Variants in KIF26B observed in about 807,000 individuals in gnomAD.
The protein encoded by KIF26B is kinesin family member 26B.
In KIF26B, 63 loss-of-function variants were observed where a neutral mutation model predicts 151.2. The ratio of observed to expected loss-of-function variants is 0.42; its 90% CI spans 0.34 to 0.51. KIF26B has a LOEUF of 0.51. Ranked by LOEUF, KIF26B falls within the 20% of genes least tolerant of loss-of-function variation. The pLI, the probability that KIF26B is intolerant of heterozygous loss-of-function variation, is 0.07. For synonymous variants in KIF26B, 1,357 were observed against 1,262.1 expected, an observed-to-expected ratio of 1.08 and a Z score of -1.59; for missense variants, 2,813 against 2,913.6, an observed-to-expected ratio of 0.97 and a Z score of 0.79.
At chr1:245,374,115 A>ATATATATATATATATATATG (rs1673213024) in intron 3 of KIF26B, among the ~76,000 whole-genome samples, 1 of 71,862 alleles carries the variant, frequency 1.4e-5, no homozygotes, top group Non-Finnish European at 2.6e-5. Context: ...ATATATATAT[A>ATATATATATATATATATATG]TATATATATA....
chr1:245,313,026 G>T (rs1671693658), intron 2 of KIF26B, among the ~76,000 whole-genome samples: 1 of 152,074 alleles, frequency 6.6e-6, no homozygotes, highest in South Asian at 2.1e-4. Context: ...AGGCGTGGTG[G>T]TGCGCACCTG....
chr1:245,645,321 A>G (rs2043935613), intron 9 of KIF26B, among the ~76,000 whole-genome samples: 1 of 152,174 alleles, frequency 6.6e-6, no homozygotes, highest in African/African-American at 2.4e-5. Flanking sequence ...AAACTACATC[A>G]GGTGTGCTGA....
intron 2 of KIF26B, 28 bp downstream of exon 2, chr1:245,156,711 A>AGGCGCCGGGAGGGC: frequency 1.5e-6 from 2 of 1,370,964 alleles, no homozygotes; most frequent in Non-Finnish European, 1.9e-6. Flanking sequence ...CTGGCTGGGG[A>AGGCGCCGGGAGGGC]GGCGCCGGGA....
chr1:245,418,288 C>T (rs1045217272), intron 3 of KIF26B, among the ~76,000 whole-genome samples: 2 of 152,192 alleles, frequency 1.3e-5, no homozygotes, highest in Non-Finnish European at 2.9e-5. Flanking sequence ...GCCTTTGCAG[C>T]CACCTCTCCA....
rs1046852484 is a variant in KIF26B, at chr1:245,606,828, C to T, written c.1558-823C>T. ...CTGTAATCCCAGCACTTTGGGAGGC[C>T]GAGGCGGGTGGATCACCTGAGGTCA... On this transcript the variant is annotated intron_variant, in intron 6 of 14. Transcript: ENST00000407071. The surrounding 1 kb of genome is among the most constrained non-coding windows in gnomAD (Gnocchi z 4.6). 3.2e-4 allele frequency among the ~76,000 whole-genome samples: 49 copies of T among 152,030 alleles called. No homozygotes were observed. Among genetic ancestry groups the T allele is most frequent in the African/African-American group, 1.1e-3 (46 of 41,478 alleles).
intron 5 of KIF26B, among the ~76,000 whole-genome samples, chr1:245,551,437 C>G (rs935131266): frequency 1.3e-5 from 2 of 152,280 alleles, no homozygotes; most frequent in African/African-American, 4.8e-5. Context: ...GTAAGATACT[C>G]GCTGGGAGGT....
At chr1:245,181,514 TA>T (rs369608495) in intron 2 of KIF26B, among the ~76,000 whole-genome samples, 413 of 97,446 alleles carry the variant, frequency 4.2e-3, no homozygotes, top group Middle Eastern at 9.4e-3. Flanking sequence ...GTAGTAAAGT[TA>T]AAAAAAAAAA....
At chr1:245,409,634 T>A (rs1301419951) in intron 3 of KIF26B, among the ~76,000 whole-genome samples, 1 of 152,206 alleles carries the variant, frequency 6.6e-6, no homozygotes, top group Non-Finnish European at 1.5e-5. Flanking sequence ...ACTAATAAAA[T>A]TTATAGCCAA....
intron 5 of KIF26B, among the ~76,000 whole-genome samples, chr1:245,573,024 AC>A (rs1285468621): frequency 6.6e-6 from 1 of 152,166 alleles, no homozygotes; most frequent in Non-Finnish European, 1.5e-5. Flanking sequence ...GAAGAATAAA[AC>A]CTTTCTTGTC....
intron 2 of KIF26B, among the ~76,000 whole-genome samples, chr1:245,281,997 G>T (rs1046217995): frequency 3.3e-5 from 5 of 151,998 alleles, no homozygotes; most frequent in Non-Finnish European, 5.9e-5. Flanking sequence ...ATGCTGTTTT[G>T]GTTACTGTAG....
At chr1:245,653,709 G>A (rs1358256579) in intron 10 of KIF26B, among the ~76,000 whole-genome samples, 1 of 152,064 alleles carries the variant, frequency 6.6e-6, no homozygotes, top group Non-Finnish European at 1.5e-5. Flanking sequence ...ATAACAAGTG[G>A]GGTACAACAG....
chr1:245,355,195 G>A (rs4523556), intron 2 of KIF26B, among the ~76,000 whole-genome samples: 16,728 of 152,158 alleles, frequency 0.11, 2,829 homozygotes, highest in African/African-American at 0.36. Context: ...AAAGTGCTGG[G>A]ATTACAGGCG....
At position 245,166,921 on chromosome 1, in the gene KIF26B, A is replaced by C. The variant is rs796898111; in HGVS notation, c.465+10238A>C. ...AAACCGAGACATTCTGAACGTTGCT[A>C]TAGAGGTTAGCAAAGCAGAAGGCTC... On this transcript the variant is annotated intron_variant, in intron 2 of 14. Coordinates refer to ENST00000407071, the MANE Select transcript of KIF26B (RefSeq NM_018012.4). The surrounding 1 kb of genome is among the most constrained non-coding windows in gnomAD (Gnocchi z 4.5). Among the ~76,000 whole-genome samples, 10 of 152,360 alleles carry C rather than the reference A, an allele frequency of 6.6e-5. No individual in the cohort carries two copies. The highest frequency in any genetic ancestry group is 2.2e-4 in the African/African-American group (9 of 41,594).
At chr1:245,359,933 T>C (rs1672781610) in intron 2 of KIF26B, among the ~76,000 whole-genome samples, 1 of 150,562 alleles carries the variant, frequency 6.6e-6, no homozygotes, top group South Asian at 2.1e-4. Flanking sequence ...AGTGCAGTGG[T>C]GAGATCTGAG....
intron 8 of KIF26B, among the ~76,000 whole-genome samples, chr1:245,609,805 A>G (rs1313981407): frequency 6.6e-6 from 1 of 151,960 alleles, no homozygotes; most frequent in East Asian, 1.9e-4. Context: ...CTTTCAAAAA[A>G]AAAAAGTAAC....
chr1:245,499,018 C>T (rs564083339), intron 4 of KIF26B, among the ~76,000 whole-genome samples: 36 of 152,230 alleles, frequency 2.4e-4, no homozygotes, highest in African/African-American at 8.4e-4. Flanking sequence ...CATGAGGCAA[C>T]CGGTTGCCAG....
At position 245,348,669 on chromosome 1, in the gene KIF26B, A is replaced by C. The variant is rs190396169; in HGVS notation, c.466-18165A>C. On this transcript the variant is annotated intron_variant, in intron 2 of 14. Transcript: ENST00000407071. ...ACCTCCAGCCATCATGTTGGGGACT[A>C]GGTTTCAATATATGAATTCTGTGGG... Among the ~76,000 whole-genome samples the C allele has an allele frequency of 3.3e-5, 5 of 152,264 alleles. No homozygotes were observed. The East Asian group carries it at 9.7e-4, about 29-fold the overall frequency.
chr1:245,612,095 TGTGTGTGTGTGAGA>T (rs1434265351), intron 9 of KIF26B, 119 bp downstream of exon 9: 100 of 695,302 alleles, frequency 1.4e-4, no homozygotes, highest in Admixed American at 1.2e-3. Flanking sequence ...TGTGTGTGTG[TGTGTGTGTGTGAGA>T]GAGAGAGAGA....
intron 10 of KIF26B, among the ~76,000 whole-genome samples, chr1:245,658,643 T>C (rs1207083017): frequency 2.0e-5 from 3 of 152,174 alleles, no homozygotes; most frequent in Non-Finnish European, 4.4e-5. Context: ...CCTCCTGCCT[T>C]GGCCTCCCAA....
Sources: gnomAD v4.1 joint callset for allele counts (sites outside exome capture counted in the v4.1 genomes callset) on GRCh38, gnomAD v4.1.1 for gene constraint, Gnocchi (gnomAD v3.1) non-coding constraint, MANE v1.5 for transcripts, NCBI Gene and HGNC (gene_info 2026-07-23, HGNC 2026-07-21) for gene names.